The following TENT4B variants were observed in gnomAD, a reference collection of about 807,000 sequenced individuals.
TENT4B encodes terminal nucleotidyltransferase 4B.
Under a neutral mutation model 75.0 loss-of-function variants are expected in TENT4B, and 10 were observed. The ratio of observed to expected loss-of-function variants is 0.13; its 90% CI spans 0.08 to 0.23. The LOEUF (loss-of-function observed/expected upper bound fraction) is 0.23. Ranked by LOEUF, TENT4B falls within the 10% of genes least tolerant of loss-of-function variation. The pLI, the probability that TENT4B is intolerant of heterozygous loss-of-function variation, is 1.00. For synonymous variants in TENT4B, 350 were observed against 357.7 expected, an observed-to-expected ratio of 0.98 and a Z score of 0.24; for missense variants, 579 against 893.8, an observed-to-expected ratio of 0.65 and a Z score of 4.49.
intron 10 of TENT4B, among the ~76,000 whole-genome samples, chr16:50,226,148 T>C (rs2150750064): frequency 6.6e-6 from 1 of 151,948 alleles, no homozygotes; most frequent in East Asian, 1.9e-4. Flanking sequence ...TACAGGCATG[T>C]GCCACCACAC....
At chr16:50,163,754 T>A (rs564739751) in intron 1 of TENT4B, among the ~76,000 whole-genome samples, 1 of 151,930 alleles carries the variant, frequency 6.6e-6, no homozygotes, top group Non-Finnish European at 1.5e-5. Context: ...TTTAGTGTTT[T>A]TATATATATA....
intron 1 of TENT4B, among the ~76,000 whole-genome samples, chr16:50,169,740 A>T (rs2038170860): frequency 6.6e-6 from 1 of 152,212 alleles, no homozygotes; most frequent in South Asian, 2.1e-4. Context: ...GGCAGGTCAC[A>T]GGAAAGTGAA....
chr16:50,154,533 G>GC (rs555834932), intron 1 of TENT4B, among the ~76,000 whole-genome samples: 40 of 146,066 alleles, frequency 2.7e-4, no homozygotes, highest in African/African-American at 6.6e-4. Flanking sequence ...CCTTCCCCAG[G>GC]CCCCCCCCTT....
At chr16:50,191,396 A>ATG (rs1244015659) in intron 1 of TENT4B, among the ~76,000 whole-genome samples, 1 of 152,146 alleles carries the variant, frequency 6.6e-6, no homozygotes, top group East Asian at 1.9e-4. Context: ...TAGAATAGCC[A>ATG]TCCTAATGGC....
intron 1 of TENT4B, among the ~76,000 whole-genome samples, chr16:50,189,141 A>G (rs535439265): frequency 6.6e-6 from 1 of 152,272 alleles, no homozygotes; most frequent in East Asian, 1.9e-4. Context: ...AATACAAACA[A>G]AATAAAAGCT....
intron 1 of TENT4B, among the ~76,000 whole-genome samples, chr16:50,160,313 G>A (rs1434870617): frequency 3.3e-5 from 5 of 151,294 alleles, no homozygotes; most frequent in South Asian, 2.1e-4. Context: ...TTCCCCCTTC[G>A]TCTTTGTGGA....
intron 1 of TENT4B, among the ~76,000 whole-genome samples, chr16:50,163,137 C>G (rs2038031812): frequency 6.6e-6 from 1 of 152,182 alleles, no homozygotes; most frequent in Non-Finnish European, 1.5e-5. Context: ...TAACTTAACT[C>G]TTAGCACTGT....
At position 50,227,267 on chromosome 16, in the gene TENT4B, G is replaced by T. The variant is rs560375357; in HGVS notation, c.1801-572G>T. Among the ~76,000 whole-genome samples the T allele has an allele frequency of 2.0e-5, 3 of 152,314 alleles. No homozygotes were observed. In the East Asian group the frequency reaches 5.8e-4, roughly 29 times the overall value. On this transcript the variant is annotated intron_variant, in intron 10 of 11. Transcript: ENST00000561678. ...AGACACAGGGAGATGGAGTGTTGGG[G>T]ACTGAGAGAATGTGACTCTGACATG...
In TENT4B at chr16:50,203,380, G is replaced by A. The variant is rs78650979; in HGVS notation, c.639-7943G>A. On this transcript the variant is annotated intron_variant, in intron 1 of 11. Coordinates refer to ENST00000561678, the MANE Select transcript of TENT4B (RefSeq NM_001365324.3). ...TGGAACTGGAGAGCTTCCTATTTAGGCATGGCCTTTTTCAAGTGACCTTGT... is the reference window on the plus strand; with the variant it reads ...TGGAACTGGAGAGCTTCCTATTTAGACATGGCCTTTTTCAAGTGACCTTGT... 6.4e-3 allele frequency among the ~76,000 whole-genome samples: 978 copies of A among 152,242 alleles called. 9 individuals carry two copies. Among genetic ancestry groups the A allele is most frequent in the African/African-American group, 0.023 (940 of 41,546 alleles).
chr16:50,228,847 C>G (rs2032172226), intron 11 of TENT4B, among the ~76,000 whole-genome samples: 1 of 152,206 alleles, frequency 6.6e-6, no homozygotes, highest in Non-Finnish European at 1.5e-5. Context: ...CCCGCTCTGT[C>G]ACTTATGATG....
At chr16:50,201,830 TAAAAAAAAA>T (rs57061694) in intron 1 of TENT4B, among the ~76,000 whole-genome samples, 1 of 136,744 alleles carries the variant, frequency 7.3e-6, no homozygotes, top group Non-Finnish European at 1.5e-5. Context: ...ATACTCTATT[TAAAAAAAAA>T]AAAAAAAAAA....
chr16:50,199,577 A>G (rs536591779), intron 1 of TENT4B, among the ~76,000 whole-genome samples: 164 of 152,308 alleles, frequency 1.1e-3, no homozygotes, highest in African/African-American at 3.7e-3. Context: ...TACTGTCTCC[A>G]TAGTTTTGCC....
intron 1 of TENT4B, among the ~76,000 whole-genome samples, chr16:50,174,418 T>A (rs2038264208): frequency 6.6e-6 from 1 of 152,128 alleles, no homozygotes; most frequent in Non-Finnish European, 1.5e-5. Flanking sequence ...TTTTAAGAGT[T>A]CTTTGTATAT....
At chr16:50,170,425 G>T (rs1432524212) in intron 1 of TENT4B, among the ~76,000 whole-genome samples, 1 of 152,118 alleles carries the variant, frequency 6.6e-6, no homozygotes, top group Non-Finnish European at 1.5e-5. Flanking sequence ...GAGTGAATTT[G>T]TCCAGTGATT....
intron 2 of TENT4B, among the ~76,000 whole-genome samples, chr16:50,211,927 C>CTTATTTTCAA (rs2031299993): frequency 6.6e-6 from 1 of 152,152 alleles, no homozygotes; most frequent in South Asian, 2.1e-4. Context: ...TTTCTTATTT[C>CTTATTTTCAA]TTTCCTGAAA....
intron 1 of TENT4B, among the ~76,000 whole-genome samples, chr16:50,173,974 G>A (rs1325164574): frequency 1.6e-4 from 24 of 152,152 alleles, no homozygotes; most frequent in Admixed American, 6.6e-5. Context: ...GATTACAGGC[G>A]TGAGCCACTG....
At chr16:50,166,995 T>A (rs985061035) in intron 1 of TENT4B, among the ~76,000 whole-genome samples, 4 of 151,998 alleles carry the variant, frequency 2.6e-5, no homozygotes, top group African/African-American at 9.7e-5. Flanking sequence ...GTGATCATAG[T>A]TCACTGCCAT....
At chr16:50,226,893 C>T (rs2032082843) in intron 10 of TENT4B, among the ~76,000 whole-genome samples, 1 of 152,196 alleles carries the variant, frequency 6.6e-6, no homozygotes, top group Non-Finnish European at 1.5e-5. Flanking sequence ...ATTCTTCCTT[C>T]CCTCCCTTAA....
chr16:50,204,432 A>T (rs77999072), intron 1 of TENT4B, among the ~76,000 whole-genome samples: 8,085 of 152,284 alleles, frequency 0.053, 298 homozygotes, highest in Non-Finnish European at 0.079. Flanking sequence ...AAGAAAACAC[A>T]GGAGTAGGAA....
Sources: gnomAD v4.1 joint callset for allele counts (sites outside exome capture counted in the v4.1 genomes callset) on GRCh38, gnomAD v4.1.1 for gene constraint, MANE v1.5 for transcripts, NCBI Gene and HGNC (gene_info 2026-07-23, HGNC 2026-07-21) for gene names.